The following CDH23 variants were observed in gnomAD, a reference collection of about 807,000 sequenced individuals.
CDH23 encodes the protein cadherin related 23, also known as cadherin-23.
CDH23 carries 189 observed loss-of-function variants against 317.1 expected under a neutral mutation model. The observed-to-expected ratio is 0.60, with a 90% CI of 0.53 to 0.67. CDH23 has a LOEUF of 0.67. CDH23 is among the 30% of genes least tolerant of loss of function. The probability of loss-of-function intolerance (pLI) is 0.00; values close to 1 mark genes in which losing one functional copy is unlikely to be tolerated. For synonymous variants in CDH23, 1,839 were observed against 1,876.8 expected (o/e 0.98, Z 0.52); for missense variants, 4,401 against 4,592.4 (o/e 0.96, Z 1.20).
intron 41 of CDH23, among the ~76,000 whole-genome samples, chr10:71,780,650 G>A (rs957350278): frequency 2.0e-5 from 3 of 152,184 alleles, no homozygotes; most frequent in Non-Finnish European, 4.4e-5. Flanking sequence ...TCATGAGGGC[G>A]TGGCTTTTGC....
At chr10:71,802,724 C>T (rs574986139) in intron 53 of CDH23, among the ~76,000 whole-genome samples, 174 bp from the exon 54 acceptor site, 3 of 152,294 alleles carry the variant, frequency 2.0e-5, no homozygotes, top group East Asian at 1.9e-4. Context: ...GTAACTGAGG[C>T]TCAGGGGGTT....
chr10:71,610,981 C>T (rs1363159105), intron 9 of CDH23, among the ~76,000 whole-genome samples: 2 of 151,764 alleles, frequency 1.3e-5, no homozygotes, highest in African/African-American at 2.4e-5. Context: ...CAGGACAGCA[C>T]CTGTCCACCC....
intron 1 of CDH23, among the ~76,000 whole-genome samples, chr10:71,406,293 C>T (rs7088571): frequency 0.32 from 48,232 of 152,076 alleles, 7,823 homozygotes; most frequent in Middle Eastern, 0.46. Flanking sequence ...GTGTTTGAGG[C>T]TTTCCTCTGG....
intron 6 of CDH23, among the ~76,000 whole-genome samples, chr10:71,538,025 G>T (rs148974937): frequency 6.6e-6 from 1 of 152,086 alleles, no homozygotes; most frequent in African/African-American, 2.4e-5. Flanking sequence ...AGCCAGCACT[G>T]TCCACATCAC....
Position 71,773,320 on chromosome 10 carries a change from C to A in CDH23, c.4846-4360C>A, listed in dbSNP as rs565139216. On this transcript the variant is annotated intron_variant, in intron 38 of 69. Coordinates refer to ENST00000224721, the MANE Select transcript of CDH23 (RefSeq NM_022124.6). Reference sequence around the variant, plus strand: ...TCCCACTCCAGTCTGCTGTCTTCTCCCAGCTTTTTCCCAGCGCCCCGCCTC... The same window carrying A: ...TCCCACTCCAGTCTGCTGTCTTCTCACAGCTTTTTCCCAGCGCCCCGCCTC... The A allele has an allele frequency of 1.7e-5, 26 of 1,569,326 alleles. No homozygotes were observed. The East Asian group carries it at 5.9e-4, about 35-fold the overall frequency.
At chr10:71,668,747 C>T (rs561247796) in intron 14 of CDH23, among the ~76,000 whole-genome samples, 1 of 152,336 alleles carries the variant, frequency 6.6e-6, no homozygotes, top group South Asian at 2.1e-4. Context: ...GAAAGACTGG[C>T]ATTGCTGACT....
intron 28 of CDH23, chr10:71,713,485 G>A (rs2132762878): frequency 1.7e-6 from 1 of 575,100 alleles, no homozygotes; most frequent in East Asian, 2.9e-5. Context: ...TCCCGGGCTT[G>A]GGAGGGACAG....
At chr10:71,413,749 A>T (rs1333480681) in intron 1 of CDH23, among the ~76,000 whole-genome samples, 4 of 152,028 alleles carry the variant, frequency 2.6e-5, no homozygotes, top group Non-Finnish European at 4.4e-5. Flanking sequence ...CTCAAGCTAG[A>T]GGCAAACTCC....
At chr10:71,594,805 A>G (rs1859730789) in intron 9 of CDH23, among the ~76,000 whole-genome samples, 1 of 152,250 alleles carries the variant, frequency 6.6e-6, no homozygotes, top group Non-Finnish European at 1.5e-5. Context: ...TAGAAGCCAC[A>G]TGCTATCAGG....
At chr10:71,540,754 T>C (rs570172187) in intron 6 of CDH23, among the ~76,000 whole-genome samples, 1 of 152,158 alleles carries the variant, frequency 6.6e-6, no homozygotes, top group East Asian at 1.9e-4. Flanking sequence ...CCAGGTGACT[T>C]CCTGTCCCTT....
intron 14 of CDH23, among the ~76,000 whole-genome samples, chr10:71,665,274 C>T (rs1170575514): frequency 1.3e-5 from 2 of 152,170 alleles, no homozygotes; most frequent in African/African-American, 4.8e-5. Flanking sequence ...CCAAACATAC[C>T]TGGAGTCCAG....
intron 38 of CDH23, among the ~76,000 whole-genome samples, chr10:71,760,279 A>G (rs528618457): frequency 7.1e-5 from 8 of 112,734 alleles, no homozygotes; most frequent in African/African-American, 2.4e-4. Flanking sequence ...ATATATATGT[A>G]TGTATATATG....
At position 71,777,668 on chromosome 10, in the gene CDH23, T is replaced by G. The variant is rs1468887418; in HGVS notation, c.4846-12T>G. 3 of 1,602,790 alleles carry G rather than the reference T, an allele frequency of 1.9e-6. No individual in the cohort carries two copies. Among genetic ancestry groups the G allele is most frequent in the Non-Finnish European group, 2.6e-6 (3 of 1,175,042 alleles). On this transcript the variant is annotated splice_polypyrimidine_tract_variant and intron_variant, in intron 38 of 69. Coordinates refer to ENST00000224721, the MANE Select transcript of CDH23 (RefSeq NM_022124.6). Reference sequence around the variant, plus strand: ...CCACCTGACCAAGGACGTGACCCACTCTTTTCCACAGGCCACCACGCACGT... The same window carrying G: ...CCACCTGACCAAGGACGTGACCCACGCTTTTCCACAGGCCACCACGCACGT...
At chr10:71,739,887 T>A in intron 36 of CDH23, 115 bp downstream of exon 36, 2 of 1,228,016 alleles carry the variant, frequency 1.6e-6, no homozygotes, top group South Asian at 1.7e-5. Flanking sequence ...TCAGTGCCCC[T>A]GCTGTCACCA....
At chr10:71,762,528 C>T (rs1278896790) in intron 38 of CDH23, among the ~76,000 whole-genome samples, 1 of 152,264 alleles carries the variant, frequency 6.6e-6, no homozygotes, top group Non-Finnish European at 1.5e-5. Context: ...CTGCATCTCA[C>T]CTGCATGCTG....
chr10:71,479,194 G>T (rs1851943103), intron 3 of CDH23, among the ~76,000 whole-genome samples: 1 of 152,160 alleles, frequency 6.6e-6, no homozygotes, highest in Non-Finnish European at 1.5e-5. Context: ...CCCAGGTTTG[G>T]CTGTCTCCCA....
chr10:71,593,851 G>C (rs948188783), intron 9 of CDH23, among the ~76,000 whole-genome samples: 1 of 152,202 alleles, frequency 6.6e-6, no homozygotes, highest in Non-Finnish European at 1.5e-5. Flanking sequence ...GCCTGGTGCA[G>C]TGGCTCACAC....
intron 14 of CDH23, among the ~76,000 whole-genome samples, chr10:71,667,392 G>GTGTGTGTGTGTGTA (rs756166579): frequency 7.4e-4 from 75 of 101,964 alleles, no homozygotes; most frequent in East Asian, 1.8e-3. Context: ...GTGTGTGTGT[G>GTGTGTGTGTGTGTA]TGTGCGCGTG....
intron 8 of CDH23, among the ~76,000 whole-genome samples, chr10:71,576,801 C>T (rs998611897): frequency 2.6e-5 from 4 of 152,164 alleles, no homozygotes; most frequent in East Asian, 3.9e-4. Flanking sequence ...GTGGCGGTGA[C>T]CTTCCACCCT....
Sources: allele counts gnomAD v4.1 joint callset (sites outside exome capture counted in the v4.1 genomes callset), GRCh38; gene constraint gnomAD v4.1.1; transcripts MANE v1.5; gene names NCBI Gene and HGNC (gene_info 2026-07-23, HGNC 2026-07-21).